The following THADA variants were observed in gnomAD, a reference collection of about 807,000 sequenced individuals.
THADA encodes tRNA (32-2'-O)-methyltransferase regulator THADA.
In THADA, 213 loss-of-function variants were observed where a neutral mutation model predicts 219.8. The ratio of observed to expected loss-of-function variants is 0.97; its 90% confidence interval spans 0.87 to 1.09. The LOEUF is 1.09. Among genes scored for constraint, THADA ranks in the 50% least tolerant of loss-of-function variants. The pLI, the probability that THADA is intolerant of heterozygous loss-of-function variation, is 0.00. For synonymous variants in THADA, 1,018 were observed against 828.9 expected (o/e 1.23, Z -3.92); for missense variants, 2,956 against 2,311.3 (o/e 1.28, Z -5.72).
chr2:43,522,694 TC>T (rs1433099169), intron 22 of THADA, among the ~76,000 whole-genome samples: 3 of 152,154 alleles, frequency 2.0e-5, no homozygotes, highest in Admixed American at 6.5e-5. Context: ...AACAGTAATA[TC>T]TGACTCAACT....
intron 30 of THADA, among the ~76,000 whole-genome samples, chr2:43,335,687 G>A (rs186285682): frequency 6.6e-6 from 1 of 152,032 alleles, no homozygotes; most frequent in Non-Finnish European, 1.5e-5. Flanking sequence ...GGCTGAGTGT[G>A]GTGGCTCATG....
chr2:43,523,300 G>C (rs973261012), intron 22 of THADA, among the ~76,000 whole-genome samples: 2 of 151,694 alleles, frequency 1.3e-5, no homozygotes, highest in African/African-American at 4.8e-5. Flanking sequence ...CCAGGAGGCA[G>C]AAGTTGCAAT....
intron 26 of THADA, among the ~76,000 whole-genome samples, chr2:43,470,223 A>G (rs1046845411): frequency 6.8e-5 from 10 of 146,074 alleles, no homozygotes; most frequent in African/African-American, 1.6e-4. Context: ...AAAAAAAAAA[A>G]AAAGAAAGAA....
At chr2:43,562,953 G>A (rs769402753) in intron 15 of THADA, 10 of 152,066 alleles carry the variant, frequency 6.6e-5, no homozygotes, top group Non-Finnish European at 1.3e-4. Context: ...TGTTTATACT[G>A]TCTTTCTTTT....
intron 26 of THADA, among the ~76,000 whole-genome samples, chr2:43,441,150 G>A (rs755426282): frequency 2.6e-5 from 4 of 152,174 alleles, no homozygotes; most frequent in Non-Finnish European, 5.9e-5. Flanking sequence ...CTATGCATTT[G>A]TCAGGGTTTA....
intron 15 of THADA, chr2:43,563,177 C>T (rs1241312262): frequency 1.3e-5 from 2 of 152,194 alleles, no homozygotes; most frequent in South Asian, 2.1e-4. Context: ...TTAATGTAGG[C>T]ATTTACAGCT....
Position 43,560,237 on chromosome 2 carries a change from A to C in THADA, c.2460T>G (p.Phe820Leu). 1 of 1,609,876 alleles carries C rather than the reference A, an allele frequency of 6.2e-7. No individual in the cohort carries two copies. The highest frequency in any genetic ancestry group is 8.5e-7 in the Non-Finnish European group (1 of 1,178,516). The change falls in exon 16 of 38, where the codon TTT (phenylalanine) becomes TTG (leucine). Residue 820 changes from phenylalanine to leucine, a missense_variant. Physicochemically the swap from Phe to Leu is conservative, Grantham distance 22. Transcript: ENST00000405975. ...LMKLSKTAVH[F>L]QDSGKLQGLF... ...TATACTAGAAAAGTCCTGATACCTG[A>C]AAATGTACAGCTGTTTTTGATAACT...
At chr2:43,556,689 C>T (rs577511334) in intron 16 of THADA, 134 bp from the exon 17 acceptor site, 2 of 761,240 alleles carry the variant, frequency 2.6e-6, no homozygotes, top group Admixed American at 5.9e-5. Context: ...ACTCAAGAGG[C>T]TGATGGAGGA....
intron 17 of THADA, among the ~76,000 whole-genome samples, chr2:43,553,458 T>C (rs546051416): frequency 1.3e-5 from 2 of 152,278 alleles, no homozygotes; most frequent in African/African-American, 4.8e-5. Context: ...TCTCTCTTCC[T>C]GCCATGTGAG....
chr2:43,231,323 A>T lies in THADA; in HGVS notation c.5487T>A (p.Phe1829Leu). 1.3e-6 allele frequency: 2 copies of T among 1,556,064 alleles called. No homozygotes were observed. Among genetic ancestry groups the T allele is most frequent in the Non-Finnish European group, 1.7e-6 (2 of 1,155,584 alleles). ...SMHQVEEDYL[F>L]EKAEVNFWAE... Reference sequence around the variant, plus strand: ...CCCAAAAGTTGACTTCTGCTTTTTCAAACAGGTAGTCTTCTTCCACCTAAA... The same window carrying T: ...CCCAAAAGTTGACTTCTGCTTTTTCTAACAGGTAGTCTTCTTCCACCTAAA... The change falls in exon 38 of 38, where the codon TTT (phenylalanine) becomes TTA (leucine). Residue 1829 changes from phenylalanine to leucine, a missense_variant. Transcript: ENST00000405975.
chr2:43,592,102 C>T (rs1192525509), intron 2 of THADA, 56 bp from the exon 3 acceptor site: 56 of 1,392,040 alleles, frequency 4.0e-5, no homozygotes, highest in Middle Eastern at 1.8e-4. Flanking sequence ...GTTAACTTTG[C>T]CTTTGTTGTG....
intron 29 of THADA, among the ~76,000 whole-genome samples, chr2:43,361,492 C>T (rs564232436): frequency 1.4e-4 from 22 of 152,356 alleles, no homozygotes; most frequent in African/African-American, 5.3e-4. Flanking sequence ...CTTCACTCCT[C>T]TCCAGCCATC....
chr2:43,549,177 C>G lies in THADA; in HGVS notation c.3106+33G>C, dbSNP rs765557676. ...CTGTACATTTTACTGGTTACTTAAA[C>G]ATGAATTACAGTATCCATTTTATAC... On this transcript the variant is annotated intron_variant, in intron 20 of 37. Transcript: ENST00000405975. The G allele has an allele frequency of 4.2e-5, 63 of 1,492,782 alleles. No individual in the cohort carries two copies. The Middle Eastern group carries it at 6.0e-4, about 14-fold the overall frequency. The allele number at this position is 1,492,782 out of a possible 1,614,324, so 92.5% of individuals were successfully genotyped here.
At chr2:43,572,401 C>T (rs1433997121) in intron 12 of THADA, among the ~76,000 whole-genome samples, 1 of 152,216 alleles carries the variant, frequency 6.6e-6, no homozygotes, top group African/African-American at 2.4e-5. Context: ...AATCATCCTC[C>T]AGACCTTGCT....
chr2:43,440,531 A>G (rs1028916708), intron 26 of THADA, among the ~76,000 whole-genome samples: 4 of 152,228 alleles, frequency 2.6e-5, no homozygotes, highest in African/African-American at 4.8e-5. Flanking sequence ...AAGAACATCA[A>G]TTTCCACTGT....
At chr2:43,236,060 C>T (rs916000914) in intron 36 of THADA, among the ~76,000 whole-genome samples, 32 of 152,202 alleles carry the variant, frequency 2.1e-4, no homozygotes, top group Non-Finnish European at 4.4e-5. Context: ...CCACCTGCCT[C>T]GGCCTCCCAA....
At chr2:43,435,877 T>C (rs1368609271) in intron 26 of THADA, among the ~76,000 whole-genome samples, 1 of 151,840 alleles carries the variant, frequency 6.6e-6, no homozygotes, top group African/African-American at 2.4e-5. Flanking sequence ...GCCCTGAGCA[T>C]TCCTGGCATA....
chr2:43,498,285 A>T (rs1688517272), intron 25 of THADA, among the ~76,000 whole-genome samples: 1 of 152,014 alleles, frequency 6.6e-6, no homozygotes, highest in South Asian at 2.1e-4. Context: ...GGGATGATGA[A>T]AATGTTCCAG....
chr2:43,460,548 G>C (rs1160221137), intron 26 of THADA, among the ~76,000 whole-genome samples: 1 of 152,142 alleles, frequency 6.6e-6, no homozygotes, highest in Non-Finnish European at 1.5e-5. Flanking sequence ...ATCAAGCCCT[G>C]GGCCTGAGAC....
Sources: gnomAD v4.1 joint callset for allele counts (sites outside exome capture counted in the v4.1 genomes callset) on GRCh38, gnomAD v4.1.1 for gene constraint, MANE v1.5 for transcripts, NCBI Gene and HGNC (gene_info 2026-07-23, HGNC 2026-07-21) for gene names.